The following NSUN3 variants were observed in gnomAD, a reference collection of about 807,000 sequenced individuals.
NSUN3 encodes the protein NOP2/Sun RNA methyltransferase 3.
In NSUN3, 24 loss-of-function variants were observed where a neutral mutation model predicts 36.8. That is an observed-to-expected ratio of 0.65 (90% CI 0.47 to 0.92). The LOEUF is 0.92. Ranked by LOEUF, NSUN3 falls within the 40% of genes least tolerant of loss-of-function variation. The pLI, the probability that NSUN3 is intolerant of heterozygous loss-of-function variation, is 0.00. For synonymous variants in NSUN3, 146 were observed against 145.2 expected (o/e 1.01, Z -0.04); for missense variants, 381 against 392.8 (o/e 0.97, Z 0.25).
intron 2 of NSUN3, among the ~76,000 whole-genome samples, chr3:94,068,873 AAG>A (rs1241292952): frequency 6.6e-6 from 1 of 152,108 alleles, no homozygotes; most frequent in Non-Finnish European, 1.5e-5. Context: ...GTGGTTAAGA[AAG>A]AGAGAAATGA....
In NSUN3 at chr3:94,125,351, T is replaced by A. The variant is rs373037952; in HGVS notation, c.744-860T>A. Among the ~76,000 whole-genome samples, 17 of 152,312 alleles carry A rather than the reference T, an allele frequency of 1.1e-4. No homozygotes were observed. In the East Asian group the frequency reaches 2.1e-3, roughly 19 times the overall value. ...GAGGTGTATTTTAAGGACGAGACCT[T>A]TTATCTGGTGATACAACTTTCTGAA... On this transcript the variant is annotated intron_variant, in intron 5 of 5. Coordinates refer to ENST00000314622, the MANE Select transcript of NSUN3 (RefSeq NM_022072.5).
intron 3 of NSUN3, among the ~76,000 whole-genome samples, chr3:94,092,250 C>G (rs965390116): frequency 3.3e-5 from 5 of 152,222 alleles, no homozygotes; most frequent in African/African-American, 1.2e-4. Flanking sequence ...CCTGAGAAGG[C>G]TCTGTAATTT....
At chr3:94,090,869 A>G (rs1011698479) in intron 3 of NSUN3, among the ~76,000 whole-genome samples, 2 of 152,118 alleles carry the variant, frequency 1.3e-5, no homozygotes, top group Non-Finnish European at 1.5e-5. Context: ...GCCAGAGCCT[A>G]CCCAAGTAGA....
chr3:94,081,513 T>C (rs2077269086), intron 2 of NSUN3: 1 of 152,262 alleles, frequency 6.6e-6, no homozygotes, highest in African/African-American at 2.4e-5. Context: ...ATCAGACTAC[T>C]AATTTTTAAA....
chr3:94,094,660 ATTAG>A (rs1332656761), intron 4 of NSUN3, among the ~76,000 whole-genome samples: 3 of 152,204 alleles, frequency 2.0e-5, no homozygotes, highest in Admixed American at 6.5e-5. Context: ...AAGTTGAAAT[ATTAG>A]TTCTTAGAAA....
Position 94,084,213 on chromosome 3 carries a change from C to G in NSUN3, c.229C>G (p.Leu77Val), listed in dbSNP as rs575022601. The change falls in exon 3 of 6, where the codon CTC (leucine) becomes GTC (valine). Residue 77 changes from leucine (L) to valine (V), a missense_variant. Transcript: ENST00000314622. ...KDLHLKGYHT[L>V]SQGSLPNYPK... ...TTTACATTTGAAGGGCTATCACACA[C>G]TCTCTCAGGGATCTTTACCCAACTA... is the stretch of plus-strand genomic sequence containing the variant. 55 of 1,614,042 alleles carry G rather than the reference C, an allele frequency of 3.4e-5. No homozygotes were observed. In the South Asian group the frequency reaches 5.6e-4, roughly 16 times the overall value.
chr3:94,069,417 C>A (rs575695261), intron 2 of NSUN3, among the ~76,000 whole-genome samples: 1 of 152,222 alleles, frequency 6.6e-6, no homozygotes, highest in Admixed American at 6.5e-5. Context: ...TGAATGAGCA[C>A]CCTCTAGTGG....
At chr3:94,069,934 A>T (rs1232132372) in intron 2 of NSUN3, among the ~76,000 whole-genome samples, 1 of 152,094 alleles carries the variant, frequency 6.6e-6, no homozygotes, top group Non-Finnish European at 1.5e-5. Context: ...CTCAAAATTC[A>T]GTTATTCTTG....
At chr3:94,090,590 A>C (rs2077310781) in intron 3 of NSUN3, among the ~76,000 whole-genome samples, 1 of 152,182 alleles carries the variant, frequency 6.6e-6, no homozygotes, top group South Asian at 2.1e-4. Flanking sequence ...GAAATGATGA[A>C]GACTTCTGTT....
intron 2 of NSUN3, among the ~76,000 whole-genome samples, chr3:94,070,950 C>T (rs2077222812): frequency 6.6e-6 from 1 of 152,090 alleles, no homozygotes; most frequent in South Asian, 2.1e-4. Flanking sequence ...GATATAACTC[C>T]AAAAGAATTC....
At chr3:94,125,798 C>T (rs2077482987) in intron 5 of NSUN3, among the ~76,000 whole-genome samples, 1 of 152,164 alleles carries the variant, frequency 6.6e-6, no homozygotes, top group Non-Finnish European at 1.5e-5. Flanking sequence ...CAGTGGCTCA[C>T]GCCTGTAATC....
chr3:94,120,373 T>TA (rs2077456275), intron 5 of NSUN3, among the ~76,000 whole-genome samples: 1 of 151,928 alleles, frequency 6.6e-6, no homozygotes, highest in African/African-American at 2.4e-5. Flanking sequence ...CCAGAACTCT[T>TA]TTCATCTTTC....
At chr3:94,064,404 CTG>C (rs764084474) in intron 1 of NSUN3, 31 bp from the exon 2 acceptor site, 2 of 1,302,364 alleles carry the variant, frequency 1.5e-6, no homozygotes, top group East Asian at 2.3e-5. Context: ...TGTAATATCA[CTG>C]TGTGTCAGCA....
chr3:94,128,531 A>G lies in NSUN3; in HGVS notation c.*2041A>G, dbSNP rs1018087186. ...GGTATGCTATTGAATTTACTTTCCT[A>G]TGATTACTGAAAAATGGATGCACGT... On this transcript the variant is annotated 3_prime_UTR_variant, in exon 6 of 6. Coordinates refer to ENST00000314622, the MANE Select transcript of NSUN3 (RefSeq NM_022072.5). The G allele has an allele frequency of 6.7e-6, 1 of 149,542 alleles. No homozygotes were observed. The highest frequency in any genetic ancestry group is 1.5e-5 in the Non-Finnish European group (1 of 67,562). 9.3% of individuals were successfully genotyped at this position (149,542 alleles called of 1,614,324 possible).
At chr3:94,100,908 G>A (rs1472556871) in intron 5 of NSUN3, among the ~76,000 whole-genome samples, 2 of 151,942 alleles carry the variant, frequency 1.3e-5, no homozygotes, top group African/African-American at 2.4e-5. Context: ...TCTATAACTC[G>A]ATACTAATCT....
Position 94,130,646 on chromosome 3 carries a change from G to A in NSUN3, c.*4156G>A, listed in dbSNP as rs1271025160. On this transcript the variant is annotated 3_prime_UTR_variant, in exon 6 of 6. Coordinates refer to ENST00000314622, the MANE Select transcript of NSUN3 (RefSeq NM_022072.5). The stretch of plus-strand genomic sequence containing the variant: ...CATGGCCTCCTCATCCCCATCCCAG[G>A]GGAGAACGTGAATGTTCCAAGGGAC... Among the ~76,000 whole-genome samples the A allele has an allele frequency of 6.6e-6, 1 of 152,140 alleles. No homozygotes were observed. Among genetic ancestry groups the A allele is most frequent in the Non-Finnish European group, 1.5e-5 (1 of 68,022 alleles).
intron 2 of NSUN3, among the ~76,000 whole-genome samples, chr3:94,074,451 C>T (rs1299685337): frequency 1.3e-5 from 2 of 152,144 alleles, no homozygotes; most frequent in Non-Finnish European, 2.9e-5. Flanking sequence ...GAAGTATTTT[C>T]CATTTGTTTG....
rs1437956511 is a variant in NSUN3, at chr3:94,129,807, G to GC, written c.*3318dup. On this transcript the variant is annotated 3_prime_UTR_variant, in exon 6 of 6. Coordinates refer to ENST00000314622, the MANE Select transcript of NSUN3 (RefSeq NM_022072.5). ...CTCTGTCGCCCAGGCTGGATGGCGT[G>GC]CAGTGGCATGATCTCAGCTCACTGC... is the stretch of plus-strand genomic sequence containing the variant. Among the ~76,000 whole-genome samples, 1 of 134,758 alleles carries GC rather than the reference G, an allele frequency of 7.4e-6. No individual in the cohort carries two copies. Among genetic ancestry groups the GC allele is most frequent in the Non-Finnish European group, 1.5e-5 (1 of 65,640 alleles). The allele number at this position is 134,758 out of a possible 152,430, so 88.4% of individuals were successfully genotyped here. A position where few individuals can be genotyped will look rare whatever the true frequency, so the allele number is the denominator to read the frequency against.
At chr3:94,077,205 G>T (rs1025139426) in intron 2 of NSUN3, 22 of 674,022 alleles carry the variant, frequency 3.3e-5, no homozygotes, top group African/African-American at 5.3e-5. Flanking sequence ...GAATACTGGA[G>T]TCGGGTGTTG....
Sources: gnomAD v4.1 joint callset for allele counts (sites outside exome capture counted in the v4.1 genomes callset) on GRCh38, gnomAD v4.1.1 for gene constraint, MANE v1.5 for transcripts, NCBI Gene and HGNC (gene_info 2026-07-23, HGNC 2026-07-21) for gene names.